Variants in ACYP2 observed in about 807,000 individuals in gnomAD.
ACYP2 encodes acylphosphatase 2.
In ACYP2, 12 loss-of-function variants were observed where a neutral mutation model predicts 11.2. The ratio of observed to expected loss-of-function variants is 1.08; its 90% CI spans 0.69 to 1.74. ACYP2 has a LOEUF of 1.74. Among genes scored for constraint, ACYP2 ranks in the 40% most tolerant of loss-of-function variants. ACYP2 has a pLI of 0.00. For missense variants in ACYP2, 134 were observed against 101.9 expected (o/e 1.31, Z -1.35); for synonymous variants, 43 against 32.2 (o/e 1.33, Z -1.13).
At chr2:54,271,843 A>T (rs1193610947) in intron 6 of ACYP2, among the ~76,000 whole-genome samples, 1 of 152,098 alleles carries the variant, frequency 6.6e-6, no homozygotes, top group Non-Finnish European at 1.5e-5. Context: ...AAACCTAGTC[A>T]CTTTGATAAA....
chr2:54,256,600 T>G (rs1687550697), intron 6 of ACYP2, among the ~76,000 whole-genome samples: 1 of 152,212 alleles, frequency 6.6e-6, no homozygotes, highest in African/African-American at 2.4e-5. Flanking sequence ...TTACAAATAT[T>G]TCTCTTCCAG....
intron 2 of ACYP2, among the ~76,000 whole-genome samples, chr2:54,013,990 T>A (rs1164835427): frequency 1.3e-5 from 2 of 151,946 alleles, no homozygotes; most frequent in Non-Finnish European, 2.9e-5. Context: ...AAGCCCCTTC[T>A]CCACTAAAAA....
At chr2:54,019,967 G>C (rs1043924195) in intron 2 of ACYP2, among the ~76,000 whole-genome samples, 3 of 151,372 alleles carry the variant, frequency 2.0e-5, no homozygotes, top group African/African-American at 4.9e-5. Flanking sequence ...TTTTGAGACG[G>C]AATCTCACTC....
At chr2:54,065,092 TAA>T (rs1676673838) in intron 4 of ACYP2, among the ~76,000 whole-genome samples, 1 of 60,524 alleles carries the variant, frequency 1.7e-5, no homozygotes, top group African/African-American at 4.0e-5. Flanking sequence ...TCTAAATAAA[TAA>T]ATAAATAAAT....
chr2:54,254,895 C>G, intron 6 of ACYP2: 2 of 1,594,594 alleles, frequency 1.3e-6, no homozygotes, highest in East Asian at 2.2e-5. Flanking sequence ...CAACCTTCTG[C>G]AGGAGTAATT....
chr2:54,091,804 C>A (rs190004544), intron 4 of ACYP2, among the ~76,000 whole-genome samples: 1 of 152,158 alleles, frequency 6.6e-6, no homozygotes, highest in African/African-American at 2.4e-5. Flanking sequence ...CAGCCACTAA[C>A]CCCAGCCAAC....
chr2:54,051,434 A>G lies in ACYP2; in HGVS notation c.155+384A>G. 6 of 716,956 alleles carry G rather than the reference A, an allele frequency of 8.4e-6. No homozygotes were observed. The Admixed American group carries it at 1.0e-4, about 12-fold the overall frequency. The allele number at this position is 716,956 out of a possible 1,614,324, so 44.4% of individuals were successfully genotyped here. The stretch of plus-strand genomic sequence containing the variant: ...CATTATGAAAGAGAAATGAAAATCT[A>G]TATCCCTCCTAAACGGGTGACAAAA... On this transcript the variant is annotated intron_variant, in intron 3 of 6. Coordinates refer to ENST00000607452, the MANE Select transcript of ACYP2 (RefSeq NM_001320586.2).
chr2:54,129,735 C>G (rs1321664914), intron 4 of ACYP2, among the ~76,000 whole-genome samples: 2 of 149,584 alleles, frequency 1.3e-5, no homozygotes, highest in Non-Finnish European at 3.0e-5. Flanking sequence ...ACATAGAATT[C>G]TTGAGATTCT....
chr2:54,074,656 A>G (rs938240739), intron 4 of ACYP2, among the ~76,000 whole-genome samples: 13 of 151,728 alleles, frequency 8.6e-5, no homozygotes, highest in Admixed American at 3.3e-4. Flanking sequence ...GAGAAACAGA[A>G]CAAACAGGAT....
chr2:54,022,836 A>T (rs937011857), intron 2 of ACYP2, among the ~76,000 whole-genome samples: 1 of 152,148 alleles, frequency 6.6e-6, no homozygotes, highest in Non-Finnish European at 1.5e-5. Flanking sequence ...CCCAAGAGGA[A>T]TCCGAATGGA....
intron 6 of ACYP2, among the ~76,000 whole-genome samples, chr2:54,221,556 T>C (rs1685803427): frequency 1.3e-5 from 2 of 150,110 alleles, no homozygotes; most frequent in Admixed American, 1.3e-4. Context: ...GGTCTCTCTC[T>C]GTTGCCCAGG....
intron 6 of ACYP2, among the ~76,000 whole-genome samples, chr2:54,212,171 A>C (rs1449942953): frequency 1.3e-5 from 2 of 152,184 alleles, no homozygotes; most frequent in African/African-American, 2.4e-5. Context: ...GGAGAGTTTT[A>C]TCTCACTGAT....
At chr2:53,992,891 G>A (rs1392853500) in intron 2 of ACYP2, among the ~76,000 whole-genome samples, 3 of 150,192 alleles carry the variant, frequency 2.0e-5, no homozygotes, top group African/African-American at 4.9e-5. Context: ...GTAACTTAAA[G>A]AGAATACGCA....
chr2:54,250,454 C>T (rs1017646121), intron 6 of ACYP2, among the ~76,000 whole-genome samples: 2 of 129,466 alleles, frequency 1.5e-5, no homozygotes, highest in African/African-American at 2.9e-5. Flanking sequence ...AGCAGAACTC[C>T]GTCTCAGGGC....
chr2:53,981,805 G>T (rs1186975917), intron 2 of ACYP2, among the ~76,000 whole-genome samples: 2 of 152,008 alleles, frequency 1.3e-5, no homozygotes, highest in African/African-American at 4.8e-5. Context: ...CATAATCCAG[G>T]TTTGTGTAAG....
intron 6 of ACYP2, among the ~76,000 whole-genome samples, chr2:54,160,879 GAGATTAATT>G (rs2103828516): frequency 6.6e-6 from 1 of 152,312 alleles, no homozygotes; most frequent in Non-Finnish European, 1.5e-5. Flanking sequence ...TGGAATCAAG[GAGATTAATT>G]AACCATATCA....
At chr2:54,269,536 C>G (rs1247092151) in intron 6 of ACYP2, among the ~76,000 whole-genome samples, 1 of 152,212 alleles carries the variant, frequency 6.6e-6, no homozygotes, top group South Asian at 2.1e-4. Context: ...TGGTTGGTGA[C>G]TCCCACAGCG....
chr2:54,152,361 C>T lies in ACYP2; in HGVS notation c.404+13613C>T, dbSNP rs1295982255. Among the ~76,000 whole-genome samples, 6 of 152,008 alleles carry T rather than the reference C, an allele frequency of 3.9e-5. No individual in the cohort carries two copies. The East Asian group carries it at 9.7e-4, about 25-fold the overall frequency. ...CTGGTCTCAAAGTCCTGGGCTCAAG[C>T]AGTCTTCTCACCTCAGCTTCCCAAA... On this transcript the variant is annotated intron_variant, in intron 6 of 6. Transcript: ENST00000607452.
intron 2 of ACYP2, among the ~76,000 whole-genome samples, chr2:53,976,213 CT>C (rs1245378893): frequency 1.3e-5 from 2 of 151,998 alleles, no homozygotes; most frequent in Non-Finnish European, 2.9e-5. Context: ...GAAACATAAT[CT>C]TTTTTTTCTT....
Sources: gnomAD v4.1 joint callset for allele counts (sites outside exome capture counted in the v4.1 genomes callset) on GRCh38, gnomAD v4.1.1 for gene constraint, MANE v1.5 for transcripts, NCBI Gene and HGNC (gene_info 2026-07-23, HGNC 2026-07-21) for gene names.